FHIT: variants seen among roughly 807,000 people sequenced by gnomAD.
FHIT encodes fragile histidine triad diadenosine triphosphatase, also known as bis(5'-adenosyl)-triphosphatase.
In FHIT, 19 loss-of-function variants were observed where a neutral mutation model predicts 17.9. The ratio of observed to expected loss-of-function variants is 1.06; its 90% confidence interval spans 0.74 to 1.56. The LOEUF (loss-of-function observed/expected upper bound fraction) is 1.56, where lower values mean the gene tolerates loss of function less well. Among genes scored for constraint, FHIT ranks in the 40% most tolerant of loss-of-function variants. The pLI is 0.00. For missense variants in FHIT, 248 were observed against 189.2 expected (o/e 1.31, Z -1.82); for synonymous variants, 81 against 69.7 (o/e 1.16, Z -0.81).
At chr3:61,119,223 AT>A (rs796737175) in intron 2 of FHIT, among the ~76,000 whole-genome samples, 184 of 147,694 alleles carry the variant, frequency 1.2e-3, no homozygotes, top group Non-Finnish European at 1.1e-3. Flanking sequence ...TGTGATAGTA[AT>A]TTTTTTTTTT....
At chr3:60,484,983 G>A (rs1396575044) in intron 5 of FHIT, among the ~76,000 whole-genome samples, 1 of 152,100 alleles carries the variant, frequency 6.6e-6, no homozygotes, top group Non-Finnish European at 1.5e-5. Context: ...CCATCAAAAA[G>A]TGGGCAAAGG....
intron 5 of FHIT, among the ~76,000 whole-genome samples, chr3:60,519,165 C>G (rs927185110): frequency 6.6e-6 from 1 of 152,028 alleles, no homozygotes; most frequent in Non-Finnish European, 1.5e-5. Context: ...AAGGTTATTT[C>G]TGGAAAATAA....
intron 3 of FHIT, among the ~76,000 whole-genome samples, chr3:60,915,926 G>T (rs1706976175): frequency 6.6e-6 from 1 of 150,822 alleles, no homozygotes; most frequent in South Asian, 2.1e-4. Flanking sequence ...GTTGAAAAAT[G>T]TCTTCCCACT....
chr3:61,182,417 TA>T (rs2038370177), intron 2 of FHIT, among the ~76,000 whole-genome samples: 1 of 152,190 alleles, frequency 6.6e-6, no homozygotes, highest in South Asian at 2.1e-4. Context: ...CAGTCTAAAT[TA>T]CCTTTTTGAA....
At chr3:60,938,549 T>C (rs2107401894) in intron 3 of FHIT, among the ~76,000 whole-genome samples, 1 of 152,310 alleles carries the variant, frequency 6.6e-6, no homozygotes. Flanking sequence ...TCCCTTCCTG[T>C]AAATGTCTTC....
intron 2 of FHIT, among the ~76,000 whole-genome samples, chr3:61,184,929 A>G (rs2038459620): frequency 6.6e-6 from 1 of 152,204 alleles, no homozygotes; most frequent in Non-Finnish European, 1.5e-5. Context: ...AGAACGGCAC[A>G]TTTCCCTACT....
At chr3:60,973,530 T>C (rs1710114131) in intron 3 of FHIT, among the ~76,000 whole-genome samples, 1 of 152,192 alleles carries the variant, frequency 6.6e-6, no homozygotes, top group Non-Finnish European at 1.5e-5. Flanking sequence ...CCTCCAGTCC[T>C]TTGTTGGTAG....
chr3:60,130,577 A>G (rs11921817), intron 5 of FHIT, among the ~76,000 whole-genome samples: 12,195 of 152,180 alleles, frequency 0.08, 566 homozygotes, highest in South Asian at 0.15. Context: ...TTTTTATACA[A>G]CTTCAAAAAT....
intron 4 of FHIT, among the ~76,000 whole-genome samples, chr3:60,547,910 A>G (rs241680): frequency 0.95 from 144,570 of 152,200 alleles, 68,740 homozygotes; most frequent in East Asian, 1. Flanking sequence ...GTGAACAGGA[A>G]CTGACAATAG....
At chr3:60,350,110 A>C (rs1161719723) in intron 5 of FHIT, among the ~76,000 whole-genome samples, 3 of 152,206 alleles carry the variant, frequency 2.0e-5, no homozygotes, top group East Asian at 3.8e-4. Flanking sequence ...ATTACAGTAC[A>C]CACTCCCATA....
intron 3 of FHIT, among the ~76,000 whole-genome samples, chr3:60,839,149 G>A (rs1203975664): frequency 1.3e-5 from 2 of 152,146 alleles, no homozygotes; most frequent in Admixed American, 6.5e-5. Flanking sequence ...TGTGTACCAC[G>A]AGGAGCTACC....
intron 5 of FHIT, among the ~76,000 whole-genome samples, chr3:60,082,030 T>C (rs370121615): frequency 2.6e-5 from 4 of 152,090 alleles, no homozygotes; most frequent in African/African-American, 4.8e-5. Context: ...CATAGGTATA[T>C]TGCATGATGC....
At chr3:60,684,369 T>G (rs2040815644) in intron 4 of FHIT, among the ~76,000 whole-genome samples, 1 of 152,116 alleles carries the variant, frequency 6.6e-6, no homozygotes. Flanking sequence ...CTCTAGAAAT[T>G]TGATGTGGAT....
intron 4 of FHIT, among the ~76,000 whole-genome samples, chr3:60,547,362 C>T (rs151314222): frequency 6.6e-6 from 1 of 151,988 alleles, no homozygotes; most frequent in African/African-American, 2.4e-5. Context: ...GAGCATTAGC[C>T]AAGAAGGAAA....
At chr3:61,035,585 T>C (rs2033201044) in intron 3 of FHIT, among the ~76,000 whole-genome samples, 1 of 152,204 alleles carries the variant, frequency 6.6e-6, no homozygotes, top group South Asian at 2.1e-4. Flanking sequence ...GGTCTAATTC[T>C]AGGTCTGCAT....
chr3:60,737,182 T>C (rs9826131), intron 4 of FHIT, among the ~76,000 whole-genome samples: 3,731 of 152,278 alleles, frequency 0.025, 174 homozygotes, highest in African/African-American at 0.084. Flanking sequence ...GCTGTATCAA[T>C]CTCCCATGAA....
chr3:59,880,755 G>A (rs1430952140), intron 8 of FHIT, among the ~76,000 whole-genome samples: 3 of 152,168 alleles, frequency 2.0e-5, no homozygotes, highest in East Asian at 3.9e-4. Context: ...AAGAACAGAG[G>A]TAATTCAGAC....
intron 5 of FHIT, among the ~76,000 whole-genome samples, chr3:60,325,834 C>T (rs1709666750): frequency 6.6e-6 from 1 of 152,152 alleles, no homozygotes; most frequent in Non-Finnish European, 1.5e-5. Context: ...ATAGGATAAT[C>T]ATGTTATGTT....
chr3:61,222,439 C>T (rs1053500678), intron 1 of FHIT, among the ~76,000 whole-genome samples: 1 of 152,168 alleles, frequency 6.6e-6, no homozygotes, highest in East Asian at 1.9e-4. Context: ...CCTGCTGGCT[C>T]ATGGCTTTGC....
Sources: allele counts gnomAD v4.1 joint callset (sites outside exome capture counted in the v4.1 genomes callset), GRCh38; gene constraint gnomAD v4.1.1; transcripts MANE v1.5; gene names NCBI Gene and HGNC (gene_info 2026-07-23, HGNC 2026-07-21).